Variants in DMD observed in about 807,000 individuals in gnomAD.
DMD encodes the protein mutant dystrophin.
Under a neutral mutation model 330.1 loss-of-function variants are expected in DMD, and 63 were observed. The observed-to-expected ratio is 0.19, with a 90% CI of 0.16 to 0.24. DMD has a LOEUF of 0.24. Ranked by LOEUF, DMD falls within the 10% of genes least tolerant of loss-of-function variation. DMD has a pLI of 1.00. For missense variants in DMD, 3,344 were observed against 2,684.1 expected (o/e 1.25, Z -5.43); for synonymous variants, 1,223 against 959.8 (o/e 1.27, Z -5.07).
At chrX:31,354,920 G>A (rs1190495771) in intron 60 of DMD, among the ~76,000 whole-genome samples, 1 of 111,400 alleles carries the variant, frequency 9.0e-6, no homozygotes, top group Non-Finnish European at 1.9e-5. Context: ...CGTAATTCTG[G>A]GTATAATGAA....
intron 12 of DMD, among the ~76,000 whole-genome samples, chrX:32,610,136 G>C (rs2057049107): frequency 9.0e-6 from 1 of 111,063 alleles, no homozygotes; most frequent in African/African-American, 3.2e-5. Flanking sequence ...AGACAAAAAA[G>C]ACCAGCTAGA....
chrX:31,641,501 CAAAAAAAA>C (rs1048854739), intron 54 of DMD, among the ~76,000 whole-genome samples: 1 of 33,612 alleles, frequency 3.0e-5, no homozygotes, highest in Admixed American at 3.5e-4. Flanking sequence ...GACTCCGTCT[CAAAAAAAA>C]AAAAAAAAAA....
chrX:31,915,316 T>C, intron 47 of DMD, among the ~76,000 whole-genome samples: 1 of 112,159 alleles, frequency 8.9e-6, no homozygotes, highest in Non-Finnish European at 1.9e-5. Flanking sequence ...ATATTGAGAA[T>C]AGTATAGCTG....
chrX:32,795,955 AG>A (rs754542718), intron 7 of DMD, among the ~76,000 whole-genome samples: 7 of 111,795 alleles, frequency 6.3e-5, no homozygotes, highest in Non-Finnish European at 1.3e-4. Flanking sequence ...AGAAAACAAC[AG>A]ATGTTGACGA....
chrX:31,909,226 T>TC (rs1452949680), intron 47 of DMD, among the ~76,000 whole-genome samples: 1 of 111,926 alleles, frequency 8.9e-6, no homozygotes, highest in African/African-American at 3.2e-5. Context: ...CCTACTTCTC[T>TC]ACCTTTGTTG....
At chrX:32,469,335 T>A (rs1179068727) in intron 22 of DMD, among the ~76,000 whole-genome samples, 2 of 110,409 alleles carry the variant, frequency 1.8e-5, no homozygotes, top group East Asian at 5.7e-4. Context: ...TTAATGTTAC[T>A]TTTACTTTAT....
intron 26 of DMD, among the ~76,000 whole-genome samples, chrX:32,449,940 C>T (rs1438720940): frequency 9.0e-6 from 1 of 111,138 alleles, no homozygotes; most frequent in Non-Finnish European, 1.9e-5. Context: ...CCAGCAAACA[C>T]TGTTAATGAC....
chrX:33,214,050 C>CTTTTTTTTTTTTTTT, upstream of DMD, among the ~76,000 whole-genome samples: 1 of 89,108 alleles, frequency 1.1e-5, no homozygotes. Context: ...TTGAGATTGG[C>CTTTTTTTTTTTTTTT]TTTTTTTTTT....
At chrX:33,009,183 CGTATATATGTATATAT>C (rs2093509812) in intron 2 of DMD, among the ~76,000 whole-genome samples, 1 of 28,385 alleles carries the variant, frequency 3.5e-5, no homozygotes, top group African/African-American at 1.5e-4. Flanking sequence ...TGTATATATA[CGTATATATGTATATAT>C]GTGTATATAT....
At chrX:32,342,865 C>T (rs1657846097) in intron 40 of DMD, 1 of 407,895 alleles carries the variant, frequency 2.5e-6, no homozygotes, top group African/African-American at 2.5e-5. Flanking sequence ...AACAAAGATA[C>T]ACAAAGTCAA....
At chrX:32,796,481 G>C (rs973467879) in intron 7 of DMD, among the ~76,000 whole-genome samples, 8 of 111,436 alleles carry the variant, frequency 7.2e-5, no homozygotes, top group East Asian at 2.8e-4. Flanking sequence ...AATATAAAAA[G>C]GGGTTATTTA....
intron 45 of DMD, among the ~76,000 whole-genome samples, chrX:31,954,493 T>C (rs907952682): frequency 1.8e-5 from 2 of 111,819 alleles, no homozygotes; most frequent in Admixed American, 1.9e-4. Context: ...CATTTAAAAT[T>C]TATAGGATGA....
chrX:32,274,149 C>A (rs1275695909), intron 43 of DMD, among the ~76,000 whole-genome samples: 1 of 111,589 alleles, frequency 9.0e-6, no homozygotes, highest in East Asian at 2.8e-4. Flanking sequence ...CACAAAATTT[C>A]TTTCTGTATT....
chrX:32,822,770 G>A (rs1397850390), intron 5 of DMD, among the ~76,000 whole-genome samples: 1 of 110,378 alleles, frequency 9.1e-6, no homozygotes, highest in Non-Finnish European at 1.9e-5. Flanking sequence ...ATTTTGCAGA[G>A]GTCAAATAGA....
At chrX:33,273,681 T>C (rs1024684077) in intron 1 of DMD, among the ~76,000 whole-genome samples, 1 of 112,567 alleles carries the variant, frequency 8.9e-6, no homozygotes, top group Non-Finnish European at 1.9e-5. Context: ...TGGCAAGTTC[T>C]GTTAACATCA....
chrX:32,664,137 T>C (rs2061129854), intron 9 of DMD, among the ~76,000 whole-genome samples: 1 of 111,222 alleles, frequency 9.0e-6, no homozygotes, highest in Non-Finnish European at 1.9e-5. Context: ...TTTAAAAGGC[T>C]ATTTCACTAA....
At chrX:32,604,774 A>C (rs1181981132) in intron 12 of DMD, among the ~76,000 whole-genome samples, 2 of 105,967 alleles carry the variant, frequency 1.9e-5, no homozygotes, top group African/African-American at 6.9e-5. Flanking sequence ...CAAGCTGAGA[A>C]CCAAATCAAG....
intron 1 of DMD, among the ~76,000 whole-genome samples, chrX:33,053,319 G>A (rs2094479127): frequency 9.0e-6 from 1 of 111,335 alleles, no homozygotes; most frequent in Non-Finnish European, 1.9e-5. Context: ...CTGTGGGCCG[G>A]GCGCGGTGGC....
intron 1 of DMD, among the ~76,000 whole-genome samples, chrX:33,267,601 C>G (rs753390415): frequency 4.0e-4 from 45 of 111,586 alleles, no homozygotes; most frequent in Non-Finnish European, 7.9e-4. Context: ...CACTACAGTA[C>G]TTCACCCTAC....
Sources: allele counts gnomAD v4.1 joint callset (sites outside exome capture counted in the v4.1 genomes callset), GRCh38; gene constraint gnomAD v4.1.1; transcripts MANE v1.5; gene names NCBI Gene and HGNC (gene_info 2026-07-23, HGNC 2026-07-21).